The following CNTN6 variants were observed in gnomAD, a reference collection of about 807,000 sequenced individuals.
CNTN6 encodes the protein contactin-6.
CNTN6 carries 137 observed loss-of-function variants against 122.8 expected under a neutral mutation model. The ratio of observed to expected loss-of-function variants is 1.12; its 90% CI spans 0.97 to 1.29. The LOEUF (loss-of-function observed/expected upper bound fraction) is 1.29. Among genes scored for constraint, CNTN6 ranks in the 50% most tolerant of loss-of-function variants. The pLI, the probability that CNTN6 is intolerant of heterozygous loss-of-function variation, is 0.00. For synonymous variants in CNTN6, 570 were observed against 426.0 expected (o/e 1.34, Z -4.16); for missense variants, 1,634 against 1,223.4 (o/e 1.34, Z -5.01).
At chr3:1,230,136 A>T (rs1559556402) in intron 4 of CNTN6, among the ~76,000 whole-genome samples, 1 of 152,184 alleles carries the variant, frequency 6.6e-6, no homozygotes, top group African/African-American at 2.4e-5. Context: ...CTCCTTCATA[A>T]ATTTTTAACA....
intron 17 of CNTN6, among the ~76,000 whole-genome samples, chr3:1,380,240 C>T (rs1192396462): frequency 4.6e-5 from 7 of 152,170 alleles, no homozygotes; most frequent in African/African-American, 1.7e-4. Context: ...TAAGTGACAA[C>T]TTTAATGATT....
intron 4 of CNTN6, among the ~76,000 whole-genome samples, chr3:1,231,932 TC>T (rs2094357317): frequency 6.6e-6 from 1 of 152,226 alleles, no homozygotes; most frequent in Non-Finnish European, 1.5e-5. Flanking sequence ...GCTTTCAATT[TC>T]TTTTATTTAT....
intron 11 of CNTN6, among the ~76,000 whole-genome samples, chr3:1,333,349 G>T (rs868341847): frequency 6.6e-6 from 1 of 151,986 alleles, no homozygotes; most frequent in African/African-American, 2.4e-5. Flanking sequence ...AACACAGAAC[G>T]CTGAGCCCAG....
At position 1,372,887 on chromosome 3, in the gene CNTN6, G is replaced by A. The variant is rs1575923482; in HGVS notation, c.1718G>A (p.Gly573Glu). The A allele has an allele frequency of 6.2e-7, 1 of 1,610,406 alleles. No homozygotes were observed. The highest frequency in any genetic ancestry group is 8.5e-7 in the Non-Finnish European group (1 of 1,177,858). The change falls in exon 14 of 23, where the codon GGA becomes GAA. Residue 573 changes from glycine to glutamate, a missense_variant. By Grantham distance (98) the Gly-to-Glu change is moderately conservative. Coordinates refer to ENST00000446702, the MANE Select transcript of CNTN6 (RefSeq NM_001289080.2). The part of the protein sequence containing the change: ...MIRNIQLHHS[G>E]KYLCTVQTTL... ...AGGAATATTCAGTTACATCATTCAG[G>A]AAAATATCTCTGCACAGTACAAACA... is the stretch of plus-strand genomic sequence containing the variant.
rs1407211242 is a variant in CNTN6, at chr3:1,227,916, A to C, written c.281A>C (p.Asp94Ala). The stretch of plus-strand genomic sequence containing the variant: ...ATCAATAGCCCCCACACAGATCAAG[A>C]TATTGGCATGTACCAGTGCCTGGCC... The part of the protein sequence containing the change: ...LAINSPHTDQ[D>A]IGMYQCLATN... Residue 94 changes from aspartate (D) to alanine (A), a missense_variant, in exon 4 of 23, where the codon GAT (aspartate) becomes GCT (alanine). Physicochemically the swap from Asp to Ala is moderately radical, Grantham distance 126 (BLOSUM62 -2). Transcript: ENST00000446702. 1.9e-6 allele frequency: 3 copies of C among 1,614,110 alleles called. No homozygotes were observed. The highest frequency in any genetic ancestry group is 3.3e-5 in the Admixed American group (2 of 60,000).
intron 7 of CNTN6, among the ~76,000 whole-genome samples, chr3:1,314,158 C>T (rs1699781061): frequency 6.6e-6 from 1 of 152,082 alleles, no homozygotes; most frequent in African/African-American, 2.4e-5. Flanking sequence ...TGCTTTTCTA[C>T]AGAACTCATG....
intron 19 of CNTN6, among the ~76,000 whole-genome samples, chr3:1,384,768 T>C (rs79237654): frequency 0.21 from 26,568 of 125,190 alleles, 2,895 homozygotes; most frequent in African/African-American, 0.35. Flanking sequence ...TACATATATA[T>C]ACACATATAT....
At chr3:1,383,713 C>G (rs1692303582) in intron 19 of CNTN6, among the ~76,000 whole-genome samples, 2 of 152,218 alleles carry the variant, frequency 1.3e-5, no homozygotes, top group Non-Finnish European at 2.9e-5. Flanking sequence ...TTTGAAATTG[C>G]TTCTGCAGAG....
At chr3:1,322,425 A>G (rs1221604241) in intron 8 of CNTN6, among the ~76,000 whole-genome samples, 1 of 151,766 alleles carries the variant, frequency 6.6e-6, no homozygotes, top group Non-Finnish European at 1.5e-5. Context: ...TCCAGGATTG[A>G]AATTTTCTCT....
intron 7 of CNTN6, among the ~76,000 whole-genome samples, chr3:1,317,071 G>A (rs571777480): frequency 6.6e-5 from 10 of 152,000 alleles, no homozygotes; most frequent in African/African-American, 2.4e-4. Flanking sequence ...ATATAACTGA[G>A]CTGAAAAAAA....
In CNTN6 at chr3:1,391,601, G is replaced by T. The variant is rs155397; in HGVS notation, c.2704+5804G>T. Among the ~76,000 whole-genome samples, 1,503 of 150,856 alleles carry T rather than the reference G, an allele frequency of 1.0e-2. 22 individuals carry two copies. Among genetic ancestry groups the T allele is most frequent in the African/African-American group, 0.035 (1,430 of 40,594 alleles). ...AATAAAGGGTATTCAATTAGGAAAAGAGGAAGTCCAATTGTCCCTGTTTGC... is the reference window on the plus strand; with the variant it reads ...AATAAAGGGTATTCAATTAGGAAAATAGGAAGTCCAATTGTCCCTGTTTGC... On this transcript the variant is annotated intron_variant, in intron 20 of 22. Transcript: ENST00000446702.
At chr3:1,139,505 C>A (rs548185856) in intron 1 of CNTN6, among the ~76,000 whole-genome samples, 9 of 152,140 alleles carry the variant, frequency 5.9e-5, no homozygotes, top group Non-Finnish European at 1.0e-4. Context: ...TCTCTACCCA[C>A]ATTTAATCAG....
chr3:1,137,828 T>C (rs1006457842), intron 1 of CNTN6, among the ~76,000 whole-genome samples: 5 of 152,232 alleles, frequency 3.3e-5, no homozygotes, highest in Non-Finnish European at 5.9e-5. Context: ...TCAAAGCCAG[T>C]GCACTTAACC....
At chr3:1,390,246 A>T (rs1163406085) in intron 20 of CNTN6, among the ~76,000 whole-genome samples, 1 of 152,138 alleles carries the variant, frequency 6.6e-6, no homozygotes, top group Non-Finnish European at 1.5e-5. Flanking sequence ...AGAACTCAAG[A>T]TTAAGAATCT....
chr3:1,386,593 TTGTTCC>T, intron 20 of CNTN6, among the ~76,000 whole-genome samples: 1 of 152,320 alleles, frequency 6.6e-6, no homozygotes, highest in East Asian at 1.9e-4. Flanking sequence ...TCCGACTTAG[TTGTTCC>T]TGTAAGATGA....
At chr3:1,265,073 G>C (rs979761639) in intron 4 of CNTN6, among the ~76,000 whole-genome samples, 4 of 133,734 alleles carry the variant, frequency 3.0e-5, no homozygotes, top group Admixed American at 7.8e-5. Context: ...TGGCTGGATA[G>C]GGATAGTATT....
At chr3:1,289,656 G>C (rs9851855) in intron 5 of CNTN6, among the ~76,000 whole-genome samples, 1 of 142,960 alleles carries the variant, frequency 7.0e-6, no homozygotes, top group Non-Finnish European at 1.5e-5. Context: ...TTTATCTTTT[G>C]TTTTGTTTTG....
chr3:1,229,699 G>T (rs2094329880), intron 4 of CNTN6, among the ~76,000 whole-genome samples: 2 of 152,108 alleles, frequency 1.3e-5, no homozygotes, highest in South Asian at 4.1e-4. Flanking sequence ...TGCCATATCA[G>T]AATAAAAGTC....
intron 7 of CNTN6, among the ~76,000 whole-genome samples, chr3:1,309,572 A>ATTC (rs1482491387): frequency 6.6e-6 from 1 of 152,000 alleles, no homozygotes; most frequent in Admixed American, 6.6e-5. Context: ...CTCCAACTTT[A>ATTC]TTCTTCTTCT....
Sources: gnomAD v4.1 joint callset for allele counts (sites outside exome capture counted in the v4.1 genomes callset) on GRCh38, gnomAD v4.1.1 for gene constraint, MANE v1.5 for transcripts, NCBI Gene and HGNC (gene_info 2026-07-23, HGNC 2026-07-21) for gene names.